TXLNG: variants seen among roughly 807,000 people sequenced by gnomAD.
The protein encoded by TXLNG is taxilin gamma.
In TXLNG, 5 loss-of-function variants were observed where a neutral mutation model predicts 38.8. That is an observed-to-expected ratio of 0.13 (90% CI 0.07 to 0.27). The LOEUF (loss-of-function observed/expected upper bound fraction) is 0.27. Among genes scored for constraint, TXLNG ranks in the 10% least tolerant of loss-of-function variants. The pLI is 1.00. For missense variants in TXLNG, 393 were observed against 398.2 expected, an observed-to-expected ratio of 0.99 and a Z score of 0.11; for synonymous variants, 182 against 158.2, an observed-to-expected ratio of 1.15 and a Z score of -1.13.
At chrX:16,822,385 G>A (rs965103582) in intron 3 of TXLNG, among the ~76,000 whole-genome samples, 1 of 111,114 alleles carries the variant, frequency 9.0e-6, no homozygotes, top group African/African-American at 3.3e-5. Context: ...TTTATGAAGT[G>A]GTCCAGGTAT....
intron 1 of TXLNG, among the ~76,000 whole-genome samples, chrX:16,815,696 A>G (rs2147478534): frequency 9.2e-6 from 1 of 108,601 alleles, no homozygotes; most frequent in African/African-American, 3.4e-5. Context: ...TAATTTTTGT[A>G]TTTTTAGTAG....
chrX:16,789,124 T>G (rs921004199), intron 1 of TXLNG, among the ~76,000 whole-genome samples: 5 of 112,287 alleles, frequency 4.5e-5, no homozygotes, highest in African/African-American at 1.6e-4. Context: ...TTGAGTTTTT[T>G]GAAAATATTG....
At chrX:16,826,279 T>A (rs778009622) in intron 3 of TXLNG, among the ~76,000 whole-genome samples, 99 of 111,962 alleles carry the variant, frequency 8.8e-4, no homozygotes, top group Non-Finnish European at 4.7e-4. Flanking sequence ...AAACAATGAT[T>A]TTTTTTCCTG....
Position 16,829,525 on chromosome X carries a change from C to T in TXLNG, c.670-51C>T, listed in dbSNP as rs772297602. 10 of 1,111,090 alleles carry T rather than the reference C, an allele frequency of 9.0e-6. No homozygotes were observed. In the East Asian group the frequency reaches 3.1e-4, roughly 35 times the overall value. The allele number at this position is 1,111,090 out of a possible 1,213,427, so 91.6% of individuals were successfully genotyped here. On this transcript the variant is annotated intron_variant, in intron 4 of 9. Transcript: ENST00000380122. The stretch of plus-strand genomic sequence containing the variant: ...ACATTGCAGCAGCTTCTCTTGTGAG[C>T]ATCTTCTCTATAGGTCTGTATTATT...
At chrX:16,836,844 A>G (rs949283626) in intron 7 of TXLNG, among the ~76,000 whole-genome samples, 1 of 111,325 alleles carries the variant, frequency 9.0e-6, no homozygotes, top group Admixed American at 9.5e-5. Context: ...ATTATGTTGG[A>G]TAGTCTCTGA....
intron 1 of TXLNG, among the ~76,000 whole-genome samples, chrX:16,817,616 A>G (rs936451798): frequency 1.8e-5 from 2 of 112,217 alleles, no homozygotes; most frequent in Non-Finnish European, 3.8e-5. Flanking sequence ...TACAGAGAGT[A>G]AATGCACAGA....
At chrX:16,835,221 A>G (rs1929549518) in intron 7 of TXLNG, among the ~76,000 whole-genome samples, 3 of 111,708 alleles carry the variant, frequency 2.7e-5, no homozygotes, top group Admixed American at 9.5e-5. Context: ...AGTTTATCAT[A>G]TAAGTTTTTG....
intron 3 of TXLNG, among the ~76,000 whole-genome samples, chrX:16,823,603 CTGA>C (rs1413360644): frequency 9.0e-6 from 1 of 110,590 alleles, no homozygotes; most frequent in Admixed American, 9.7e-5. Flanking sequence ...CATATATCGT[CTGA>C]TGTCATTGTG....
chrX:16,787,465 A>T (rs1326234007), intron 1 of TXLNG, among the ~76,000 whole-genome samples: 1 of 110,765 alleles, frequency 9.0e-6, no homozygotes, highest in African/African-American at 3.3e-5. Flanking sequence ...GGTCTTTCTT[A>T]ATCTGGGAAA....
At chrX:16,786,896 C>T (rs1046688055) in intron 1 of TXLNG, among the ~76,000 whole-genome samples, 2 of 111,456 alleles carry the variant, frequency 1.8e-5, no homozygotes, top group African/African-American at 6.5e-5. Context: ...GTGTGACAGC[C>T]ACGTGCGGCC....
chrX:16,823,439 CAA>C (rs1321387018), intron 3 of TXLNG, among the ~76,000 whole-genome samples: 2 of 56,539 alleles, frequency 3.5e-5, no homozygotes, highest in Non-Finnish European at 5.9e-5. Flanking sequence ...GACTAGGCAA[CAA>C]GAGTGAAACT....
intron 1 of TXLNG, among the ~76,000 whole-genome samples, chrX:16,799,156 G>A (rs933228052): frequency 1.8e-5 from 2 of 111,368 alleles, no homozygotes; most frequent in African/African-American, 6.5e-5. Flanking sequence ...TGGGATTATA[G>A]GCATGAGCCA....
chrX:16,801,941 T>G (rs1462083531), intron 1 of TXLNG, among the ~76,000 whole-genome samples: 1 of 95,294 alleles, frequency 1.0e-5, no homozygotes, highest in Non-Finnish European at 2.0e-5. Context: ...GATTTTTTTT[T>G]CTTTCTTTCT....
intron 4 of TXLNG, among the ~76,000 whole-genome samples, chrX:16,828,728 T>C (rs967941393): frequency 8.9e-6 from 1 of 112,164 alleles, no homozygotes; most frequent in Non-Finnish European, 1.9e-5. Flanking sequence ...GCTAAGTACT[T>C]TTAGGAAACC....
chrX:16,801,954 T>TC (rs1569262828), intron 1 of TXLNG, among the ~76,000 whole-genome samples: 1 of 88,825 alleles, frequency 1.1e-5, no homozygotes, highest in Admixed American at 1.3e-4. Flanking sequence ...TTCTTTCTTT[T>TC]TTTTTTTTTT....
chrX:16,805,978 C>T (rs758323190), intron 1 of TXLNG, among the ~76,000 whole-genome samples: 1 of 112,247 alleles, frequency 8.9e-6, no homozygotes, highest in East Asian at 2.8e-4. Flanking sequence ...ATTTTAAAGG[C>T]TTTGATCCAA....
chrX:16,788,667 G>GTTTTTTTTTTTT (rs10668899), intron 1 of TXLNG, among the ~76,000 whole-genome samples: 2 of 80,348 alleles, frequency 2.5e-5, no homozygotes, highest in Non-Finnish European at 4.7e-5. Context: ...AACTTGTTGT[G>GTTTTTTTTTTTT]TTTTTTTTTT....
At chrX:16,803,914 T>C (rs1161217578) in intron 1 of TXLNG, among the ~76,000 whole-genome samples, 1 of 109,745 alleles carries the variant, frequency 9.1e-6, no homozygotes, top group Non-Finnish European at 1.9e-5. Flanking sequence ...ATCGTGCCAC[T>C]GCACTCCAGC....
chrX:16,819,223 G>A (rs763629353), intron 2 of TXLNG, among the ~76,000 whole-genome samples: 2 of 110,791 alleles, frequency 1.8e-5, no homozygotes, highest in East Asian at 5.7e-4. Context: ...TTTCAGGTGT[G>A]AGCCACTGTG....
Sources: allele counts gnomAD v4.1 joint callset (sites outside exome capture counted in the v4.1 genomes callset), GRCh38; gene constraint gnomAD v4.1.1; transcripts MANE v1.5; gene names NCBI Gene and HGNC (gene_info 2026-07-23, HGNC 2026-07-21).